ABCC9: variants seen among roughly 807,000 people sequenced by gnomAD.
ABCC9 encodes the protein ATP-binding cassette sub-family C member 9.
ABCC9 carries 95 observed loss-of-function variants against 188.3 expected under a neutral mutation model. The observed-to-expected ratio is 0.50, with a 90% CI of 0.43 to 0.60. The LOEUF (loss-of-function observed/expected upper bound fraction) is 0.60, where lower values mean the gene tolerates loss of function less well. Ranked by LOEUF, ABCC9 falls within the 20% of genes least tolerant of loss-of-function variation. The pLI, the probability that ABCC9 is intolerant of heterozygous loss-of-function variation, is 0.00. For missense variants in ABCC9, 1,102 were observed against 1,876.3 expected (o/e 0.59, Z 7.62); for synonymous variants, 659 against 652.7 (o/e 1.01, Z -0.15).
chr12:21,859,226 A>G (rs1945382313), intron 22 of ABCC9, among the ~76,000 whole-genome samples: 1 of 152,158 alleles, frequency 6.6e-6, no homozygotes. Context: ...CCCTGTGTCT[A>G]CCAAGAGTAT....
chr12:21,829,683 T>G (rs2137280285), intron 30 of ABCC9, among the ~76,000 whole-genome samples: 1 of 152,286 alleles, frequency 6.6e-6, no homozygotes, highest in East Asian at 1.9e-4. Flanking sequence ...ATTGTAGCCA[T>G]GAGAATAAAG....
At chr12:21,848,087 A>G in intron 25 of ABCC9, 63 bp downstream of exon 25, 1 of 1,460,990 alleles carries the variant, frequency 6.8e-7, no homozygotes, top group Non-Finnish European at 9.6e-7. Context: ...ACACTCACAC[A>G]TAAAAAACCC....
At chr12:21,839,114 A>G (rs1944248802) in intron 29 of ABCC9, among the ~76,000 whole-genome samples, 1 of 152,246 alleles carries the variant, frequency 6.6e-6, no homozygotes, top group Non-Finnish European at 1.5e-5. Context: ...ATGAAAGAGA[A>G]TGGGTGAGTG....
chr12:21,867,326 A>G (rs1329412147), intron 18 of ABCC9, among the ~76,000 whole-genome samples: 1 of 152,136 alleles, frequency 6.6e-6, no homozygotes, highest in Non-Finnish European at 1.5e-5. Flanking sequence ...CTCATCCTCC[A>G]CCATTCAATG....
At chr12:21,808,425 C>G (rs1161068472) in intron 37 of ABCC9, among the ~76,000 whole-genome samples, 2 of 152,088 alleles carry the variant, frequency 1.3e-5, no homozygotes, top group Admixed American at 1.3e-4. Context: ...CCCCAAAACA[C>G]TATGCCCACA....
intron 30 of ABCC9, among the ~76,000 whole-genome samples, chr12:21,832,493 A>T (rs1278456883): frequency 6.6e-6 from 1 of 152,188 alleles, no homozygotes; most frequent in Non-Finnish European, 1.5e-5. Flanking sequence ...TTTTGGGTTT[A>T]AAAATGCTGA....
intron 4 of ABCC9, 101 bp from the exon 5 acceptor site, chr12:21,926,164 G>T: frequency 6.8e-7 from 1 of 1,470,542 alleles, no homozygotes; most frequent in Non-Finnish European, 9.5e-7. Flanking sequence ...GCAATAAGAT[G>T]TTTAAAATAC....
At chr12:21,926,731 G>A (rs957084362) in intron 4 of ABCC9, among the ~76,000 whole-genome samples, 3 of 152,178 alleles carry the variant, frequency 2.0e-5, no homozygotes, top group Non-Finnish European at 4.4e-5. Context: ...AGAGGAAGAA[G>A]AGAGGAAGAC....
At chr12:21,863,260 T>C (rs1480470254) in intron 19 of ABCC9, among the ~76,000 whole-genome samples, 1 of 152,114 alleles carries the variant, frequency 6.6e-6, no homozygotes, top group African/African-American at 2.4e-5. Flanking sequence ...GATTAGGATT[T>C]AATCAAAATG....
intron 7 of ABCC9, among the ~76,000 whole-genome samples, chr12:21,914,598 CATATT>C (rs1278633207): frequency 7.9e-5 from 12 of 152,178 alleles, no homozygotes; most frequent in African/African-American, 2.6e-4. Context: ...ATATAACAAA[CATATT>C]ATGCTTGTGA....
Position 21,915,741 on chromosome 12 carries a change from A to G in ABCC9, c.743T>C (p.Ile248Thr), listed in dbSNP as rs760997956. The G allele has an allele frequency of 1.6e-5, 26 of 1,612,638 alleles. No individual in the cohort carries two copies. In the Admixed American group the frequency reaches 2.5e-4, roughly 16 times the overall value. The change falls in exon 7 of 40, where the codon ATT becomes ACT. Residue 248 changes from isoleucine to threonine, a missense_variant. Around this residue, in one of 12 missense-constraint regions of ABCC9, gnomAD observed 305 missense variants for 573.0 expected, o/e 0.53. Transcript: ENST00000261200. ...TCTCATTGCTATTGGCAATTTTCCA[A>G]TTGCCTTCAGATCAATAGGCTTTTT... The part of the protein sequence containing the change: ...AHKKPIDLKA[I>T]GKLPIAMRAV...
At position 21,894,092 on chromosome 12, in the gene ABCC9, A is replaced by G; in HGVS notation, c.1742T>C (p.Leu581Pro). 1.9e-6 allele frequency: 3 copies of G among 1,614,132 alleles called. No homozygotes were observed. The highest frequency in any genetic ancestry group is 1.7e-6 in the Non-Finnish European group (2 of 1,180,030). Residue 581 changes from leucine (L) to proline (P), a missense_variant, in exon 14 of 40, where the codon CTG becomes CCG. Leu to Pro is a moderately conservative substitution (Grantham distance 98). This residue lies in a region of ABCC9 where 258 missense variants were observed against 325.6 expected (regional missense o/e 0.79). Coordinates refer to ENST00000261200, the MANE Select transcript of ABCC9 (RefSeq NM_020297.4). ...AFASLSLFHI[L>P]VTPLFLLSTV... is the part of the protein sequence containing the mutation. ...GGAGAGCAGGAACAGTGGTGTGACC[A>G]GGATATGGAAGAGAGACAGTGAAGC...
chr12:21,893,981 C>T (rs1416333259), intron 14 of ABCC9, 51 bp downstream of exon 14: 9 of 1,586,262 alleles, frequency 5.7e-6, no homozygotes, highest in South Asian at 3.3e-5. Context: ...TATTAGCACA[C>T]GTCATTTCTA....
In ABCC9 at chr12:21,911,103, C is replaced by T. The variant is rs74067860; in HGVS notation, c.1012-125G>A. The T allele has an allele frequency of 4.8e-4, 421 of 879,928 alleles. No individual in the cohort carries two copies. The African/African-American group carries it at 6.4e-3, about 13-fold the overall frequency. 54.5% of individuals were successfully genotyped at this position (879,928 alleles called of 1,614,324 possible). On this transcript the variant is annotated intron_variant, in intron 8 of 39. Coordinates refer to ENST00000261200, the MANE Select transcript of ABCC9 (RefSeq NM_020297.4). ...AAAATTCAATGTATTTATTATACAG[C>T]AGTGAAATACAATACAAACCAGGTA... is the stretch of plus-strand genomic sequence containing the variant.
At chr12:21,910,790 C>T (rs1281848771) in intron 9 of ABCC9, 36 bp downstream of exon 9, 1 of 1,580,508 alleles carries the variant, frequency 6.3e-7, no homozygotes, top group African/African-American at 1.3e-5. Flanking sequence ...ATATAGCATT[C>T]TTAGGAAACA....
At chr12:21,863,472 AATT>A (rs1014374731) in intron 19 of ABCC9, among the ~76,000 whole-genome samples, 19 of 152,292 alleles carry the variant, frequency 1.2e-4, no homozygotes, top group African/African-American at 4.6e-4. Flanking sequence ...TTGATACTGT[AATT>A]ATTGTATGGC....
intron 4 of ABCC9, among the ~76,000 whole-genome samples, chr12:21,933,329 C>G (rs562511717): frequency 3.9e-5 from 6 of 151,990 alleles, no homozygotes; most frequent in Non-Finnish European, 7.4e-5. Flanking sequence ...CTCCGTGACT[C>G]AAGTTTACCT....
chr12:21,839,256 T>G (rs969089344), intron 29 of ABCC9, among the ~76,000 whole-genome samples: 3 of 152,194 alleles, frequency 2.0e-5, no homozygotes, highest in Non-Finnish European at 4.4e-5. Context: ...TTTGCTGTGA[T>G]GATCAATTAG....
At chr12:21,841,462 G>A (rs1008153125) in intron 29 of ABCC9, among the ~76,000 whole-genome samples, 7 of 146,928 alleles carry the variant, frequency 4.8e-5, no homozygotes, top group African/African-American at 1.5e-4. Context: ...GGGTTCAAGC[G>A]ATTCTACTGC....
Sources: allele counts gnomAD v4.1 joint callset (sites outside exome capture counted in the v4.1 genomes callset), GRCh38; gene constraint gnomAD v4.1.1; regional missense constraint gnomAD v4.1.1; transcripts MANE v1.5; gene names NCBI Gene and HGNC (gene_info 2026-07-23, HGNC 2026-07-21).